The following PSIP1 variants were observed in gnomAD, a reference collection of about 807,000 sequenced individuals.
The protein encoded by PSIP1 is PC4 and SRSF1 interacting protein 1.
PSIP1 carries 19 observed loss-of-function variants against 74.7 expected under a neutral mutation model. That is an observed-to-expected ratio of 0.25 (90% CI 0.18 to 0.37). The LOEUF (loss-of-function observed/expected upper bound fraction) is 0.37. PSIP1 is among the 10% of genes least tolerant of loss of function. The pLI, the probability that PSIP1 is intolerant of heterozygous loss-of-function variation, is 1.00. For missense variants in PSIP1, 601 were observed against 614.3 expected, an observed-to-expected ratio of 0.98 and a Z score of 0.23; for synonymous variants, 222 against 195.3, an observed-to-expected ratio of 1.14 and a Z score of -1.14.
At chr9:15,475,501 C>T (rs928503629) in intron 8 of PSIP1, among the ~76,000 whole-genome samples, 3 of 152,192 alleles carry the variant, frequency 2.0e-5, no homozygotes, top group Admixed American at 6.5e-5. Flanking sequence ...CCCAGCAAAT[C>T]TGCTTCTAAC....
chr9:15,478,738 A>C (rs2036207490), intron 7 of PSIP1, among the ~76,000 whole-genome samples, 186 bp from the exon 8 acceptor site: 1 of 152,170 alleles, frequency 6.6e-6, no homozygotes, highest in Admixed American at 6.5e-5. Flanking sequence ...ACAACAAAAA[A>C]TTTATAAAGA....
In PSIP1 at chr9:15,502,909, C is replaced by T. The variant is rs115126108; in HGVS notation, c.149+3652G>A. 6.3e-3 allele frequency among the ~76,000 whole-genome samples: 962 copies of T among 152,234 alleles called. 13 individuals carry two copies. The highest frequency in any genetic ancestry group is 0.022 in the African/African-American group (906 of 41,532). The stretch of plus-strand genomic sequence containing the variant: ...TATGAATGTCCTAAGTAAAATCAGA[C>T]GTCTGTAGGCCAGGAAAAGAATGCA... On this transcript the variant is annotated intron_variant, in intron 3 of 15. Coordinates refer to ENST00000380733, the MANE Select transcript of PSIP1 (RefSeq NM_033222.5).
At chr9:15,491,452 A>G (rs1172992949) in intron 3 of PSIP1, among the ~76,000 whole-genome samples, 1 of 152,236 alleles carries the variant, frequency 6.6e-6, no homozygotes, top group Non-Finnish European at 1.5e-5. Flanking sequence ...TGACCTGTAC[A>G]ACAAGTACTA....
intron 3 of PSIP1, among the ~76,000 whole-genome samples, chr9:15,491,256 G>GT (rs1279001997): frequency 6.6e-6 from 1 of 152,076 alleles, no homozygotes; most frequent in Non-Finnish European, 1.5e-5. Flanking sequence ...TTGGGAGCTA[G>GT]TTTAAATAGC....
intron 2 of PSIP1, among the ~76,000 whole-genome samples, chr9:15,509,470 C>T (rs1362912220): frequency 1.3e-5 from 2 of 152,218 alleles, no homozygotes; most frequent in Non-Finnish European, 2.9e-5. Context: ...GTCCACACCT[C>T]CTTTTTGCCT....
At chr9:15,510,024 A>C in intron 2 of PSIP1, 93 bp downstream of exon 2, 2 of 1,305,586 alleles carry the variant, frequency 1.5e-6, no homozygotes, top group Non-Finnish European at 2.1e-6. Flanking sequence ...GAGGGAGAGA[A>C]AGGACAGAAG....
rs773232885 is a variant in PSIP1 at position 15,465,491 on chromosome 9, A to C, written c.*29T>G. On this transcript the variant is annotated 3_prime_UTR_variant, in exon 16 of 16. Transcript: ENST00000380733. ...AATGAAAACCATTACAAACTTCTCA[A>C]GTGTTCTCTATATTCCAGGTATGTC... The C allele has an allele frequency of 6.7e-7, 1 of 1,491,220 alleles. No homozygotes were observed. Among genetic ancestry groups the C allele is most frequent in the African/African-American group, 1.4e-5 (1 of 70,608 alleles). The allele number at this position is 1,491,220 out of a possible 1,614,324, so 92.4% of individuals were successfully genotyped here.
chr9:15,486,946 C>G lies in PSIP1; in HGVS notation c.289-15G>C, dbSNP rs2036582188. 3 of 1,523,394 alleles carry G rather than the reference C, an allele frequency of 2.0e-6. No homozygotes were observed. Among genetic ancestry groups the G allele is most frequent in the African/African-American group, 2.8e-5 (2 of 71,656 alleles). 94.4% of individuals were successfully genotyped at this position (1,523,394 alleles called of 1,614,324 possible). On this transcript the variant is annotated splice_polypyrimidine_tract_variant and intron_variant, in intron 4 of 15. Transcript: ENST00000380733. Reference sequence around the variant, plus strand: ...TTAGTTGCTGCCTGTGAGCAATCAACTCTATTAATTTCAAAAAATAAGTTT... The same window carrying G: ...TTAGTTGCTGCCTGTGAGCAATCAAGTCTATTAATTTCAAAAAATAAGTTT...
chr9:15,499,437 G>A (rs1166739001), intron 3 of PSIP1, among the ~76,000 whole-genome samples: 1 of 152,184 alleles, frequency 6.6e-6, no homozygotes, highest in Admixed American at 6.5e-5. Context: ...CCCTAAGTGT[G>A]TACATGTGCA....
chr9:15,499,289 C>G (rs1480600851), intron 3 of PSIP1, among the ~76,000 whole-genome samples: 1 of 152,150 alleles, frequency 6.6e-6, no homozygotes, highest in Non-Finnish European at 1.5e-5. Context: ...ATACCAATGT[C>G]AAAGCTTGTA....
intron 10 of PSIP1, among the ~76,000 whole-genome samples, chr9:15,470,362 G>C (rs1478279237): frequency 1.3e-5 from 2 of 151,994 alleles, no homozygotes; most frequent in Non-Finnish European, 2.9e-5. Flanking sequence ...TTTAATCATT[G>C]TGCATGTAAC....
intron 4 of PSIP1, among the ~76,000 whole-genome samples, chr9:15,488,886 T>G (rs2036688766): frequency 6.6e-6 from 1 of 151,696 alleles, no homozygotes; most frequent in Admixed American, 6.6e-5. Flanking sequence ...CCGGGTGTGG[T>G]GGCGGGCACC....
intron 4 of PSIP1, 74 bp downstream of exon 4, chr9:15,489,912 T>C (rs1200648222): frequency 4.8e-6 from 6 of 1,248,400 alleles, no homozygotes; most frequent in African/African-American, 3.1e-5. Context: ...TAGTATTTAC[T>C]TTCCTACAGC....
chr9:15,497,325 CT>C (rs767922897), intron 3 of PSIP1, among the ~76,000 whole-genome samples: 181 of 118,498 alleles, frequency 1.5e-3, no homozygotes, highest in Admixed American at 1.5e-3. Flanking sequence ...TCTATGATTC[CT>C]TTTTTTTTTT....
chr9:15,478,275 CTTAA>C (rs758950726), intron 8 of PSIP1, among the ~76,000 whole-genome samples, 198 bp downstream of exon 8: 58 of 151,424 alleles, frequency 3.8e-4, no homozygotes, highest in Non-Finnish European at 6.9e-4. Context: ...ACCCAAGAGT[CTTAA>C]TTAATGAAAT....
At chr9:15,470,316 C>A (rs1361421613) in intron 10 of PSIP1, among the ~76,000 whole-genome samples, 2 of 152,116 alleles carry the variant, frequency 1.3e-5, no homozygotes, top group African/African-American at 4.8e-5. Context: ...CTTCTACATC[C>A]ATTCTTTTTT....
chr9:15,506,728 T>C, intron 2 of PSIP1, 91 bp from the exon 3 acceptor site: 1 of 977,344 alleles, frequency 1.0e-6, no homozygotes, highest in African/African-American at 1.6e-5. Flanking sequence ...TCCAAAAGGG[T>C]TCTGTTATAA....
chr9:15,495,250 T>G (rs2132172029), intron 3 of PSIP1, among the ~76,000 whole-genome samples: 1 of 152,244 alleles, frequency 6.6e-6, no homozygotes, highest in South Asian at 2.1e-4. Context: ...GATATGGCTC[T>G]AAGTCTAAAA....
chr9:15,487,004 TA>T, intron 4 of PSIP1, 73 bp from the exon 5 acceptor site: 2 of 1,017,960 alleles, frequency 2.0e-6, no homozygotes, highest in Non-Finnish European at 1.4e-6. Context: ...TCTTTATTTT[TA>T]TTTTTTTTTT....
Sources: allele counts gnomAD v4.1 joint callset (sites outside exome capture counted in the v4.1 genomes callset), GRCh38; gene constraint gnomAD v4.1.1; transcripts MANE v1.5; gene names NCBI Gene and HGNC (gene_info 2026-07-23, HGNC 2026-07-21).